The following CACNA2D3 variants were observed in gnomAD, a reference collection of about 807,000 sequenced individuals.
CACNA2D3 encodes calcium voltage-gated channel auxiliary subunit alpha2delta 3.
In CACNA2D3, 60 loss-of-function variants were observed where a neutral mutation model predicts 160.6. That is an observed-to-expected ratio of 0.37 (90% CI 0.30 to 0.46). CACNA2D3 has a LOEUF of 0.46. Among genes scored for constraint, CACNA2D3 ranks in the 20% least tolerant of loss-of-function variants. CACNA2D3 has a pLI of 1.00. For synonymous variants in CACNA2D3, 558 were observed against 492.9 expected (o/e 1.13, Z -1.75); for missense variants, 1,205 against 1,365.0 (o/e 0.88, Z 1.85).
In CACNA2D3 at chr3:54,968,455, G is replaced by A; in HGVS notation, c.2455G>A (p.Gly819Ser). The change falls in exon 28 of 38, where the codon GGC becomes AGC. Residue 819 changes from glycine to serine, a missense_variant. Transcript: ENST00000474759. ...TTATTTATAATTTGTCCCAGCTGTA[G>A]GCATTCAGATGAAACTTGAATTTTT... is the stretch of plus-strand genomic sequence containing the variant. ...ERKSPVVAAV[G>S]IQMKLEFFQR... 2 of 1,605,422 alleles carry A rather than the reference G, an allele frequency of 1.2e-6. No homozygotes were observed. The highest frequency in any genetic ancestry group is 1.7e-6 in the Non-Finnish European group (2 of 1,174,382).
chr3:54,805,418 A>G (rs1703096441), intron 13 of CACNA2D3, among the ~76,000 whole-genome samples: 1 of 152,234 alleles, frequency 6.6e-6, no homozygotes, highest in African/African-American at 2.4e-5. Flanking sequence ...AGAATACTAC[A>G]AACACCTCTA....
intron 13 of CACNA2D3, among the ~76,000 whole-genome samples, chr3:54,805,604 G>T (rs1035626462): frequency 3.9e-5 from 6 of 152,134 alleles, no homozygotes; most frequent in African/African-American, 1.4e-4. Context: ...TGGATTCACA[G>T]CCGAATTCTA....
intron 4 of CACNA2D3, among the ~76,000 whole-genome samples, chr3:54,425,048 A>G (rs1019758806): frequency 4.6e-5 from 7 of 152,184 alleles, no homozygotes. Context: ...AGTCAGAAAG[A>G]GCTGGGCGCG....
Position 54,303,818 on chromosome 3 carries a change from G to GTTTTTTGTTTTTT in CACNA2D3, c.205-16618_205-16617insGTTTTTTTTTTTT, listed in dbSNP as rs59534343. On this transcript the variant is annotated intron_variant, in intron 2 of 37. Transcript: ENST00000474759. ...CAGCCTCATCAGTGACTTTTTTTCT[G>GTTTTTTGTTTTTT]TTTTTTTTTTTTTTTTTTTTCTATT... Among the ~76,000 whole-genome samples, 99 of 115,014 alleles carry GTTTTTTGTTTTTT rather than the reference G, an allele frequency of 8.6e-4. 4 individuals carry two copies. The Middle Eastern group carries it at 0.016, about 18-fold the overall frequency. 75.5% of individuals were successfully genotyped at this position (115,014 alleles called of 152,430 possible). A position where few individuals can be genotyped will look rare whatever the true frequency, so the allele number is the denominator to read the frequency against.
At chr3:54,323,562 G>A (rs1704056418) in intron 3 of CACNA2D3, among the ~76,000 whole-genome samples, 1 of 151,658 alleles carries the variant, frequency 6.6e-6, no homozygotes, top group African/African-American at 2.4e-5. Context: ...CGCCTCCCGG[G>A]TTCACGCCTT....
At position 54,135,452 on chromosome 3, in the gene CACNA2D3, C is replaced by T. The variant is rs74614888; in HGVS notation, c.204+11858C>T. Among the ~76,000 whole-genome samples the T allele has an allele frequency of 0.01, 1,556 of 152,332 alleles. 72 individuals are homozygous for T. The East Asian group carries it at 0.15, about 15-fold the overall frequency. On this transcript the variant is annotated intron_variant, in intron 2 of 37. Transcript: ENST00000474759. ...ACAATGGTCTGCTCTCTTCCCCAGG[C>T]GCAGCCTGCACCAACACACCCCCGG...
intron 13 of CACNA2D3, among the ~76,000 whole-genome samples, chr3:54,785,892 C>T (rs1575474633): frequency 6.6e-6 from 1 of 152,188 alleles, no homozygotes; most frequent in African/African-American, 2.4e-5. Flanking sequence ...GCCATCTACC[C>T]TGTCTCCTGC....
intron 5 of CACNA2D3, among the ~76,000 whole-genome samples, chr3:54,549,451 CA>C (rs1293486952): frequency 1.3e-5 from 2 of 151,778 alleles, no homozygotes; most frequent in Non-Finnish European, 2.9e-5. Flanking sequence ...GTCTCAAAAA[CA>C]AAAAAAACAA....
At chr3:54,511,822 A>T (rs1266752482) in intron 5 of CACNA2D3, among the ~76,000 whole-genome samples, 4 of 152,298 alleles carry the variant, frequency 2.6e-5, no homozygotes, top group Non-Finnish European at 4.4e-5. Flanking sequence ...ATTTATTTTT[A>T]AAAAATGGCT....
chr3:54,304,497 A>G (rs538135339), intron 2 of CACNA2D3, among the ~76,000 whole-genome samples: 1 of 152,366 alleles, frequency 6.6e-6, no homozygotes, highest in South Asian at 2.1e-4. Context: ...AATTACATTT[A>G]TAATCTTACA....
intron 9 of CACNA2D3, among the ~76,000 whole-genome samples, chr3:54,625,331 T>C (rs1699074301): frequency 6.6e-6 from 1 of 152,210 alleles, no homozygotes; most frequent in Non-Finnish European, 1.5e-5. Flanking sequence ...AACAGGTATA[T>C]AGCAGAAAGA....
intron 3 of CACNA2D3, among the ~76,000 whole-genome samples, chr3:54,357,973 A>T (rs371377759): frequency 6.6e-6 from 1 of 152,264 alleles, no homozygotes; most frequent in South Asian, 2.1e-4. Flanking sequence ...ACTGCTTTGT[A>T]TGATACTGTA....
chr3:54,186,480 G>A (rs1364375000), intron 2 of CACNA2D3, among the ~76,000 whole-genome samples: 1 of 152,026 alleles, frequency 6.6e-6, no homozygotes, highest in Admixed American at 6.6e-5. Flanking sequence ...ATAATTTAGG[G>A]GGCATTGGGG....
intron 4 of CACNA2D3, among the ~76,000 whole-genome samples, chr3:54,464,916 C>T (rs1014159614): frequency 6.6e-6 from 1 of 152,036 alleles, no homozygotes; most frequent in Non-Finnish European, 1.5e-5. Flanking sequence ...TGGCCATCTT[C>T]TCCTTAAATA....
intron 2 of CACNA2D3, among the ~76,000 whole-genome samples, chr3:54,293,387 A>AT (rs1326863444): frequency 6.6e-6 from 1 of 152,038 alleles, no homozygotes; most frequent in Non-Finnish European, 1.5e-5. Context: ...ATAGTCCATT[A>AT]TATCATTCTT....
chr3:54,642,308 G>A, intron 11 of CACNA2D3, 67 bp downstream of exon 11: 2 of 872,212 alleles, frequency 2.3e-6, no homozygotes, highest in South Asian at 1.8e-5. Context: ...TCTCCAGCTT[G>A]TCCATGAGTA....
chr3:54,276,069 T>C (rs932362883), intron 2 of CACNA2D3, among the ~76,000 whole-genome samples: 1 of 152,180 alleles, frequency 6.6e-6, no homozygotes, highest in Non-Finnish European at 1.5e-5. Flanking sequence ...GGATTCTTTC[T>C]CTGACATCCT....
chr3:54,758,539 T>C (rs1459327807), intron 12 of CACNA2D3, among the ~76,000 whole-genome samples: 1 of 152,214 alleles, frequency 6.6e-6, no homozygotes, highest in Non-Finnish European at 1.5e-5. Flanking sequence ...GGAAGCTGTT[T>C]ATAAATTGTA....
intron 2 of CACNA2D3, among the ~76,000 whole-genome samples, chr3:54,152,025 A>G (rs1016753140): frequency 6.6e-6 from 1 of 152,172 alleles, no homozygotes; most frequent in Non-Finnish European, 1.5e-5. Flanking sequence ...AGGGGTTCTG[A>G]TTAGAAACAT....
Sources: gnomAD v4.1 joint callset for allele counts (sites outside exome capture counted in the v4.1 genomes callset) on GRCh38, gnomAD v4.1.1 for gene constraint, MANE v1.5 for transcripts, NCBI Gene and HGNC (gene_info 2026-07-23, HGNC 2026-07-21) for gene names.